Variants in ADAMTS15 observed in about 807,000 individuals in gnomAD.
ADAMTS15 encodes the protein ADAM metallopeptidase with thrombospondin type 1 motif 15, also known as A disintegrin and metalloproteinase with thrombospondin motifs 15.
In ADAMTS15, 35 loss-of-function variants were observed where a neutral mutation model predicts 79.1. The ratio of observed to expected loss-of-function variants is 0.44; its 90% confidence interval spans 0.34 to 0.59. The LOEUF (loss-of-function observed/expected upper bound fraction) is 0.59, where lower values mean the gene tolerates loss of function less well. Among genes scored for constraint, ADAMTS15 ranks in the 20% least tolerant of loss-of-function variants. ADAMTS15 has a pLI of 0.02. For synonymous variants in ADAMTS15, 616 were observed against 567.3 expected, an observed-to-expected ratio of 1.09 and a Z score of -1.22; for missense variants, 1,324 against 1,318.7, an observed-to-expected ratio of 1.00 and a Z score of -0.06.
In ADAMTS15 at chr11:130,449,918, C is replaced by T; in HGVS notation, c.945C>T (p.Leu315=). 4 of 1,598,952 alleles carry T rather than the reference C, an allele frequency of 2.5e-6. No homozygotes were observed. The highest frequency in any genetic ancestry group is 3.4e-6 in the Non-Finnish European group (4 of 1,179,250). ...CCGAGTACTGGGACACTGCCATCCTCTTCACCAGGCAGGTGAGTTGATCTG... is the reference window on the plus strand; with the variant it reads ...CCGAGTACTGGGACACTGCCATCCTTTTCACCAGGCAGGTGAGTTGATCTG... ...KHPEYWDTAI[L]FTRQDLCGAT... The change falls in exon 1 of 8, where the codon CTC becomes CTT. Residue 315 remains leucine, a synonymous_variant. Transcript: ENST00000299164. The surrounding 1 kb of genome is among the most constrained non-coding windows in gnomAD (Gnocchi z 7.8).
Position 130,462,013 on chromosome 11 carries a change from C to A in ADAMTS15, c.1091-74C>A. Reference sequence around the variant, plus strand: ...AACCTCTGACATGGGCTTTCTAGTTCCCCTGCCCCATTCCTCCCTCCAACC... The same window carrying A: ...AACCTCTGACATGGGCTTTCTAGTTACCCTGCCCCATTCCTCCCTCCAACC... On this transcript the variant is annotated intron_variant, in intron 2 of 7. Coordinates refer to ENST00000299164, the MANE Select transcript of ADAMTS15 (RefSeq NM_139055.4). The surrounding 1 kb of genome is among the most constrained non-coding windows in gnomAD (Gnocchi z 4.3). The A allele has an allele frequency of 1.2e-6, 1 of 835,234 alleles. No homozygotes were observed. Among genetic ancestry groups the A allele is most frequent in the Non-Finnish European group, 1.9e-6 (1 of 514,346 alleles). 51.7% of individuals were successfully genotyped at this position (835,234 alleles called of 1,614,324 possible). A position where few individuals can be genotyped will look rare whatever the true frequency, so the allele number is the denominator to read the frequency against.
At chr11:130,469,499 C>G in intron 5 of ADAMTS15, 60 bp downstream of exon 5, 1 of 1,235,478 alleles carries the variant, frequency 8.1e-7, no homozygotes, top group Non-Finnish European at 1.0e-6. Flanking sequence ...GAGGTCCCCC[C>G]ACCCCACCCC....
rs1592141932 is a variant in ADAMTS15, at chr11:130,448,870, T to C, written c.-104T>C. 8.1e-6 allele frequency: 7 copies of C among 863,276 alleles called. No individual in the cohort carries two copies. The South Asian group carries it at 1.5e-4, about 18-fold the overall frequency. The allele number at this position is 863,276 out of a possible 1,614,324, so 53.5% of individuals were successfully genotyped here. On this transcript the variant is annotated 5_prime_UTR_variant, in exon 1 of 8. Coordinates refer to ENST00000299164, the MANE Select transcript of ADAMTS15 (RefSeq NM_139055.4). ...TTTCTGGGAACTGCCGGCTGTCCCG[T>C]AGCGTTGGCGGTTCCAGAGTGCGGG...
rs768766825 is a variant in ADAMTS15, at chr11:130,462,787, G to T, written c.1542+7G>T. The T allele has an allele frequency of 1.8e-5, 28 of 1,578,976 alleles. No homozygotes were observed. Among genetic ancestry groups the T allele is most frequent in the Non-Finnish European group, 2.3e-5 (26 of 1,155,466 alleles). On this transcript the variant is annotated splice_region_variant and intron_variant, in intron 4 of 7. Transcript: ENST00000299164. The surrounding 1 kb of genome is among the most constrained non-coding windows in gnomAD (Gnocchi z 4.3). Reference sequence around the variant, plus strand: ...CAACCTCAACAAGCACAGGGTGAGTGAGTGCTGGAGCTGCGCTCGGGGACT... The same window carrying T: ...CAACCTCAACAAGCACAGGGTGAGTTAGTGCTGGAGCTGCGCTCGGGGACT...
At chr11:130,459,048 T>TG (rs1938147007) in intron 1 of ADAMTS15, among the ~76,000 whole-genome samples, 1 of 146,204 alleles carries the variant, frequency 6.8e-6, no homozygotes, top group East Asian at 2.0e-4. Context: ...TTTTTTTTTT[T>TG]TTTGAGACAG....
chr11:130,464,054 G>C (rs1938254986), intron 4 of ADAMTS15, among the ~76,000 whole-genome samples: 5 of 152,142 alleles, frequency 3.3e-5, no homozygotes, highest in Admixed American at 3.3e-4. Flanking sequence ...AGGTCGGAGT[G>C]AGCTGCAGGG....
chr11:130,452,427 A>T (rs933959066), intron 1 of ADAMTS15, among the ~76,000 whole-genome samples: 1 of 152,076 alleles, frequency 6.6e-6, no homozygotes, highest in Non-Finnish European at 1.5e-5. Flanking sequence ...TTTCTCATTT[A>T]TTTCTATGAG....
At chr11:130,453,028 A>G (rs1937996684) in intron 1 of ADAMTS15, among the ~76,000 whole-genome samples, 1 of 151,484 alleles carries the variant, frequency 6.6e-6, no homozygotes, top group African/African-American at 2.4e-5. Flanking sequence ...GGAATTCACC[A>G]TGGGATGGGG....
In ADAMTS15 at chr11:130,473,428, C is replaced by T. The variant is rs777034390; in HGVS notation, c.2460C>T (p.Val820=). 2 of 1,612,694 alleles carry T rather than the reference C, an allele frequency of 1.2e-6. No individual in the cohort carries two copies. The highest frequency in any genetic ancestry group is 1.3e-5 in the African/African-American group (1 of 74,946). Residue 820 remains valine (V), a synonymous_variant, in exon 8 of 8, where the codon GTC becomes GTT. Coordinates refer to ENST00000299164, the MANE Select transcript of ADAMTS15 (RefSeq NM_139055.4). ...SHPKDPRGPS[V]LHNSVLSLSN... ...CCAAGGACCCCCGGGGACCCTCTGT[C>T]TTGCACAACAGCGTCCTCAGCCTCT...
chr11:130,469,666 T>C (rs1244076904), intron 5 of ADAMTS15, among the ~76,000 whole-genome samples: 1 of 152,182 alleles, frequency 6.6e-6, no homozygotes, highest in Non-Finnish European at 1.5e-5. Context: ...CAGATTCTTC[T>C]TGGGATCATT....
At chr11:130,455,545 G>T (rs1472238243) in intron 1 of ADAMTS15, among the ~76,000 whole-genome samples, 1 of 152,230 alleles carries the variant, frequency 6.6e-6, no homozygotes, top group Non-Finnish European at 1.5e-5. Flanking sequence ...AGGGCTGCCT[G>T]TAGCTCTGGA....
In ADAMTS15 at chr11:130,449,580, A is replaced by G. The variant is rs1318852095; in HGVS notation, c.607A>G (p.Ser203Gly). The stretch of plus-strand genomic sequence containing the variant: ...GCGGGCGGGCTTCGGGGAGAGTCGT[A>G]GCCGGCGCAGGTCTGGGCGCGCCAA... ...PRRAGFGESR[S>G]RRRSGRAKRF... Residue 203 changes from serine to glycine, a missense_variant, in exon 1 of 8, where the codon AGC becomes GGC. Coordinates refer to ENST00000299164, the MANE Select transcript of ADAMTS15 (RefSeq NM_139055.4). The surrounding 1 kb of genome is among the most constrained non-coding windows in gnomAD (Gnocchi z 7.8). 1 of 1,597,678 alleles carries G rather than the reference A, an allele frequency of 6.3e-7. No homozygotes were observed. Among genetic ancestry groups the G allele is most frequent in the African/African-American group, 1.3e-5 (1 of 74,886 alleles).
intron 1 of ADAMTS15, among the ~76,000 whole-genome samples, chr11:130,451,972 A>G (rs1937970680): frequency 6.6e-6 from 1 of 152,152 alleles, no homozygotes. Flanking sequence ...GTGCCTAGAG[A>G]GCAAAGCTAG....
In ADAMTS15 at chr11:130,462,742, G is replaced by A. The variant is rs754924330; in HGVS notation, c.1504G>A (p.Gly502Arg). The change falls in exon 4 of 8, where the codon GGG (glycine) becomes AGG (arginine). Residue 502 changes from glycine to arginine, a missense_variant. Coordinates refer to ENST00000299164, the MANE Select transcript of ADAMTS15 (RefSeq NM_139055.4). The surrounding 1 kb of genome is among the most constrained non-coding windows in gnomAD (Gnocchi z 4.3). ...SCGEGKLCLK[G>R]ACVERHNLNK... ...TGGCGAGGGCAAGCTCTGCCTCAAA[G>A]GGGCCTGCGTGGAGAGACACAACCT... 6.2e-7 allele frequency: 1 copy of A among 1,604,542 alleles called. No individual in the cohort carries two copies. The highest frequency in any genetic ancestry group is 1.7e-5 in the Admixed American group (1 of 59,810).
At chr11:130,461,057 G>A (rs1230265532) in intron 1 of ADAMTS15, among the ~76,000 whole-genome samples, 2 of 152,326 alleles carry the variant, frequency 1.3e-5, no homozygotes, top group African/African-American at 2.4e-5. Context: ...AGCAAAGACC[G>A]AGGCTGCTCG....
intron 4 of ADAMTS15, among the ~76,000 whole-genome samples, chr11:130,466,609 C>G (rs914372587): frequency 1.3e-5 from 2 of 152,204 alleles, no homozygotes; most frequent in African/African-American, 2.4e-5. Context: ...GCCACCACCC[C>G]CTGTCCCCTG....
rs749303179 is a variant in ADAMTS15 at position 130,473,552 on chromosome 11, C to A, written c.2584C>A (p.Arg862=). The part of the protein sequence containing the change: ...SASCGSGLQK[R]AVDCRGSAGQ... Reference sequence around the variant, plus strand: ...GAGCTGCGGCAGTGGCCTGCAGAAGCGGGCGGTGGACTGCCGGGGCTCCGC... The same window carrying A: ...GAGCTGCGGCAGTGGCCTGCAGAAGAGGGCGGTGGACTGCCGGGGCTCCGC... The change falls in exon 8 of 8, where the codon CGG becomes AGG. Residue 862 remains arginine (R), a synonymous_variant. Transcript: ENST00000299164. The A allele has an allele frequency of 1.9e-6, 3 of 1,603,136 alleles. No homozygotes were observed. The highest frequency in any genetic ancestry group is 2.2e-5 in the East Asian group (1 of 44,626).
chr11:130,457,888 G>A (rs530016152), intron 1 of ADAMTS15, among the ~76,000 whole-genome samples: 2 of 152,258 alleles, frequency 1.3e-5, no homozygotes, highest in African/African-American at 4.8e-5. Context: ...CCATACAGCT[G>A]TGTCTTCCCA....
chr11:130,474,998 A>G lies in ADAMTS15; in HGVS notation c.*1177A>G, dbSNP rs1002908792. 2.0e-5 allele frequency: 3 copies of G among 152,328 alleles called. No homozygotes were observed. The highest frequency in any genetic ancestry group is 7.2e-5 in the African/African-American group (3 of 41,422). 9.4% of individuals were successfully genotyped at this position (152,328 alleles called of 1,614,324 possible). A position where few individuals can be genotyped will look rare whatever the true frequency, so the allele number is the denominator to read the frequency against. On this transcript the variant is annotated 3_prime_UTR_variant, in exon 8 of 8. Coordinates refer to ENST00000299164, the MANE Select transcript of ADAMTS15 (RefSeq NM_139055.4). ...TTGCATCCTAGGCCTTAGCTTCTCC[A>G]CTGTTTGCTACCTCAGATTATGCCC...
Sources: allele counts gnomAD v4.1 joint callset (sites outside exome capture counted in the v4.1 genomes callset), GRCh38; gene constraint gnomAD v4.1.1; non-coding constraint Gnocchi (gnomAD v3.1); transcripts MANE v1.5; gene names NCBI Gene and HGNC (gene_info 2026-07-23, HGNC 2026-07-21).